Variants in PSD3 observed in about 807,000 individuals in gnomAD.
PSD3 encodes the protein pleckstrin and Sec7 domain containing 3.
Under a neutral mutation model 105.5 loss-of-function variants are expected in PSD3, and 49 were observed. The ratio of observed to expected loss-of-function variants is 0.46; its 90% CI spans 0.37 to 0.59. The LOEUF is 0.59. PSD3 is among the 20% of genes least tolerant of loss of function. The pLI is 0.00. For missense variants in PSD3, 1,561 were observed against 1,263.8 expected (o/e 1.24, Z -3.57); for synonymous variants, 557 against 457.8 (o/e 1.22, Z -2.77).
chr8:18,936,228 G>A lies in PSD3; in HGVS notation c.22-86C>T, dbSNP rs932462116. 3.7e-5 allele frequency: 33 copies of A among 880,008 alleles called. No homozygotes were observed. In the East Asian group the frequency reaches 7.8e-4, roughly 21 times the overall value. The allele number at this position is 880,008 out of a possible 1,614,324, so 54.5% of individuals were successfully genotyped here. A position where few individuals can be genotyped will look rare whatever the true frequency, so the allele number is the denominator to read the frequency against. On this transcript the variant is annotated intron_variant, in intron 1 of 15. Coordinates refer to ENST00000327040, the MANE Select transcript of PSD3 (RefSeq NM_015310.4). ...AAACAAATTATCCAACATGAGATTG[G>A]TAAAATAATTATGACATATGTACTC...
At chr8:18,813,258 G>A (rs186039483) in intron 4 of PSD3, among the ~76,000 whole-genome samples, 3 of 152,190 alleles carry the variant, frequency 2.0e-5, no homozygotes, top group Admixed American at 2.0e-4. Context: ...GGAAGAAGAG[G>A]GAATGGGTAA....
chr8:18,710,487 C>T (rs1294200969), intron 9 of PSD3, among the ~76,000 whole-genome samples: 4 of 151,964 alleles, frequency 2.6e-5, no homozygotes, highest in Non-Finnish European at 5.9e-5. Flanking sequence ...TTGAGGAAAC[C>T]CAGAGAACCA....
intron 2 of PSD3, among the ~76,000 whole-genome samples, chr8:18,912,670 C>A (rs1820308883): frequency 6.6e-6 from 1 of 152,170 alleles, no homozygotes. Context: ...CACAACCTGA[C>A]CAGGGCTGCT....
intron 1 of PSD3, among the ~76,000 whole-genome samples, chr8:18,964,645 T>C (rs1824131447): frequency 6.6e-6 from 1 of 152,066 alleles, no homozygotes; most frequent in Non-Finnish European, 1.5e-5. Flanking sequence ...TTCCTTGATC[T>C]CCAAAGCTGC....
chr8:18,613,034 G>A (rs1397777477), intron 11 of PSD3, among the ~76,000 whole-genome samples: 2 of 151,736 alleles, frequency 1.3e-5, no homozygotes, highest in Non-Finnish European at 2.9e-5. Context: ...ACAAGAGCAT[G>A]CATCATTAGC....
chr8:19,034,346 C>A (rs1274797892), intron 1 of PSD3, among the ~76,000 whole-genome samples: 1 of 152,136 alleles, frequency 6.6e-6, no homozygotes, highest in African/African-American at 2.4e-5. Context: ...CTTCCTTCTG[C>A]AAAATTCATG....
intron 8 of PSD3, among the ~76,000 whole-genome samples, chr8:18,795,803 G>A (rs11785249): frequency 0.71 from 107,344 of 152,056 alleles, 39,504 homozygotes; most frequent in Non-Finnish European, 0.81. Flanking sequence ...AACTTATTCT[G>A]ACATATCAAA....
At chr8:18,588,968 T>C (rs2634453) in intron 12 of PSD3, among the ~76,000 whole-genome samples, 50,787 of 152,102 alleles carry the variant, frequency 0.33, 9,255 homozygotes, top group Non-Finnish European at 0.43. Context: ...AGAAACGGTT[T>C]TGCCAAAGGC....
intron 12 of PSD3, among the ~76,000 whole-genome samples, chr8:18,590,934 G>A (rs1003742538): frequency 2.0e-5 from 3 of 152,050 alleles, no homozygotes; most frequent in South Asian, 2.1e-4. Flanking sequence ...AGAATAAGAC[G>A]CCAAAACTGT....
intron 4 of PSD3, among the ~76,000 whole-genome samples, chr8:18,848,679 T>C (rs1447960749): frequency 2.6e-5 from 4 of 152,072 alleles, no homozygotes; most frequent in African/African-American, 9.7e-5. Context: ...TTTTTGTTGT[T>C]ACTAAAAATG....
intron 9 of PSD3, chr8:18,730,031 T>C (rs1803620096): frequency 6.6e-6 from 1 of 152,204 alleles, no homozygotes; most frequent in Non-Finnish European, 1.5e-5. Context: ...TCCTCATTTT[T>C]GAAACAGGAA....
chr8:19,041,127 G>C (rs1828110811), intron 1 of PSD3, among the ~76,000 whole-genome samples: 1 of 152,108 alleles, frequency 6.6e-6, no homozygotes, highest in Admixed American at 6.5e-5. Context: ...CGACTCCTGG[G>C]CTCAAGCAAT....
intron 9 of PSD3, among the ~76,000 whole-genome samples, chr8:18,693,600 T>C (rs1459566038): frequency 6.6e-6 from 1 of 152,140 alleles, no homozygotes; most frequent in Admixed American, 6.5e-5. Flanking sequence ...AGCCCGGCCA[T>C]ATGATGCTCT....
At chr8:18,807,439 GT>G (rs1811299930) in intron 4 of PSD3, among the ~76,000 whole-genome samples, 1 of 152,308 alleles carries the variant, frequency 6.6e-6, no homozygotes, top group South Asian at 2.1e-4. Flanking sequence ...AAGAGAGAGA[GT>G]TTTTTAGACT....
intron 1 of PSD3, among the ~76,000 whole-genome samples, chr8:19,055,163 C>T (rs757039423): frequency 7.2e-5 from 11 of 152,158 alleles, no homozygotes; most frequent in Non-Finnish European, 1.5e-4. Flanking sequence ...TGCTATGTTG[C>T]CATAGAATAG....
chr8:18,759,092 A>ACACACACACACACACACACACACACTCT lies in PSD3; in HGVS notation c.2172+6356_2172+6357insAGAGTGTGTGTGTGTGTGTGTGTGTGTG, dbSNP rs756248977. 4.7e-4 allele frequency among the ~76,000 whole-genome samples: 68 copies of ACACACACACACACACACACACACACTCT among 143,948 alleles called. 1 individual carries two copies. Among genetic ancestry groups the ACACACACACACACACACACACACACTCT allele is most frequent in the African/African-American group, 1.6e-3 (62 of 39,730 alleles). The allele number at this position is 143,948 out of a possible 152,430, so 94.4% of individuals were successfully genotyped here. On this transcript the variant is annotated intron_variant, in intron 9 of 15. Transcript: ENST00000327040. ...TAACCCATTCTTCACACACACACACACTCTCTCTCTCTCTCTCTCTCTCTT... is the reference window on the plus strand; with the variant it reads ...TAACCCATTCTTCACACACACACACACACACACACACACACACACACACACTCTCTCTCTCTCTCTCTCTCTCTCTCTT...
Position 18,533,983 on chromosome 8 carries a change from G to C in PSD3, c.*1760C>G, listed in dbSNP as rs573514672. On this transcript the variant is annotated 3_prime_UTR_variant, in exon 16 of 16. Transcript: ENST00000327040. ...CAAAGAAAGCAACTGCAACCCTAGAGAGGGGTAAGCCTTCTCTGGGCAATA... is the reference window on the plus strand; with the variant it reads ...CAAAGAAAGCAACTGCAACCCTAGACAGGGGTAAGCCTTCTCTGGGCAATA... 1.3e-5 allele frequency: 2 copies of C among 152,186 alleles called. No homozygotes were observed. Among genetic ancestry groups the C allele is most frequent in the East Asian group, 3.9e-4 (2 of 5,172 alleles). The allele number at this position is 152,186 out of a possible 1,614,324, so 9.4% of individuals were successfully genotyped here. A position where few individuals can be genotyped will look rare whatever the true frequency, so the allele number is the denominator to read the frequency against.
At chr8:18,729,974 C>A (rs909272441) in intron 9 of PSD3, among the ~76,000 whole-genome samples, 11 of 152,120 alleles carry the variant, frequency 7.2e-5, no homozygotes, top group African/African-American at 2.7e-4. Flanking sequence ...AGCCTACATT[C>A]CATAAAGACT....
chr8:18,825,562 A>C (rs562208225), intron 4 of PSD3, among the ~76,000 whole-genome samples: 15 of 152,356 alleles, frequency 9.8e-5, no homozygotes, highest in Middle Eastern at 3.4e-3. Context: ...TCACTGGTAC[A>C]AATTAACTCA....
Sources: allele counts gnomAD v4.1 joint callset (sites outside exome capture counted in the v4.1 genomes callset), GRCh38; gene constraint gnomAD v4.1.1; transcripts MANE v1.5; gene names NCBI Gene and HGNC (gene_info 2026-07-23, HGNC 2026-07-21).